Variants in MTHFD1L observed in about 807,000 individuals in gnomAD.
MTHFD1L encodes methylenetetrahydrofolate dehydrogenase (NADP+ dependent) 1 like.
A neutral mutation model predicts 119.5 loss-of-function variants in MTHFD1L; 81 were observed. The observed-to-expected ratio is 0.68, with a 90% confidence interval of 0.57 to 0.82. The LOEUF (loss-of-function observed/expected upper bound fraction) is 0.82. Among genes scored for constraint, MTHFD1L ranks in the 40% least tolerant of loss-of-function variants. The pLI is 0.00. For synonymous variants in MTHFD1L, 430 were observed against 475.2 expected, an observed-to-expected ratio of 0.90 and a Z score of 1.24; for missense variants, 1,125 against 1,253.4, an observed-to-expected ratio of 0.90 and a Z score of 1.55.
intron 26 of MTHFD1L, among the ~76,000 whole-genome samples, chr6:151,045,735 C>T (rs1284836377): frequency 1.3e-5 from 2 of 152,184 alleles, no homozygotes; most frequent in Non-Finnish European, 2.9e-5. Context: ...CAGGGTTCTT[C>T]CCTATCTCTA....
At chr6:150,985,232 T>G (rs1778109052) in intron 20 of MTHFD1L, 1 of 152,196 alleles carries the variant, frequency 6.6e-6, no homozygotes, top group Non-Finnish European at 1.5e-5. Flanking sequence ...TTTCCATCTT[T>G]TTTCTTTTGG....
At chr6:151,080,571 A>G (rs988991850) in intron 26 of MTHFD1L, among the ~76,000 whole-genome samples, 5 of 152,260 alleles carry the variant, frequency 3.3e-5, no homozygotes, top group Admixed American at 6.5e-5. Flanking sequence ...TGAAGGTGCT[A>G]AAGCAGGAGG....
intron 9 of MTHFD1L, 90 bp downstream of exon 9, chr6:150,918,758 T>A: frequency 1.9e-6 from 2 of 1,053,632 alleles, no homozygotes; most frequent in Non-Finnish European, 2.9e-6. Flanking sequence ...GTTTACCAGG[T>A]ACAGTGTTAA....
intron 10 of MTHFD1L, among the ~76,000 whole-genome samples, chr6:150,924,178 A>G (rs175853): frequency 0.74 from 112,219 of 152,080 alleles, 42,032 homozygotes; most frequent in African/African-American, 0.87. Flanking sequence ...AAATCGGATG[A>G]TGTCTCTGTG....
At chr6:151,029,720 C>T in intron 24 of MTHFD1L, among the ~76,000 whole-genome samples, 1 of 152,138 alleles carries the variant, frequency 6.6e-6, no homozygotes, top group East Asian at 1.9e-4. Context: ...CACTTGAACC[C>T]AGGAGGCAGA....
At chr6:150,928,858 G>A (rs775239495) in intron 11 of MTHFD1L, among the ~76,000 whole-genome samples, 2 of 152,046 alleles carry the variant, frequency 1.3e-5, no homozygotes, top group African/African-American at 4.8e-5. Flanking sequence ...TAGCTTTTTT[G>A]TAAGAGGGAC....
At chr6:150,940,200 A>T (rs1792856281) in intron 13 of MTHFD1L, among the ~76,000 whole-genome samples, 1 of 152,140 alleles carries the variant, frequency 6.6e-6, no homozygotes, top group Non-Finnish European at 1.5e-5. Flanking sequence ...CATTGAGCAG[A>T]GTGCCCAGCA....
intron 16 of MTHFD1L, among the ~76,000 whole-genome samples, chr6:150,954,425 C>T (rs142788468): frequency 1.3e-5 from 2 of 152,236 alleles, no homozygotes; most frequent in African/African-American, 2.4e-5. Flanking sequence ...CAGTGGCTCA[C>T]GCCAGTTATC....
Position 151,037,014 on chromosome 6 carries a change from C to G in MTHFD1L, c.2744C>G (p.Ser915Cys). 1 of 1,612,034 alleles carries G rather than the reference C, an allele frequency of 6.2e-7. No individual in the cohort carries two copies. Among genetic ancestry groups the G allele is most frequent in the Non-Finnish European group, 8.5e-7 (1 of 1,179,864 alleles). The part of the protein sequence containing the change: ...ICMAKTHLSL[S>C]HQPDKKGVPR... ...ATGGCAAAGACCCACCTTTCTCTAT[C>G]TCACCAACCTGACAAAAAAGGTGTG... is the stretch of plus-strand genomic sequence containing the variant. Residue 915 changes from serine (S) to cysteine (C), a missense_variant, in exon 26 of 28, where the codon TCT (serine) becomes TGT (cysteine). By Grantham distance (112) the Ser-to-Cys change is moderately radical. Transcript: ENST00000367321.
intron 20 of MTHFD1L, among the ~76,000 whole-genome samples, chr6:151,005,384 A>G (rs1781242868): frequency 6.6e-6 from 1 of 152,154 alleles, no homozygotes; most frequent in Non-Finnish European, 1.5e-5. Flanking sequence ...TACAAACGAC[A>G]TAAAAGTGAT....
Position 150,944,469 on chromosome 6 carries a change from A to C in MTHFD1L, c.1441-17A>C, listed in dbSNP as rs991191791. 1 of 1,572,680 alleles carries C rather than the reference A, an allele frequency of 6.4e-7. No homozygotes were observed. The highest frequency in any genetic ancestry group is 2.2e-5 in the East Asian group (1 of 44,446). Reference sequence around the variant, plus strand: ...TTTCTGAAAATAAATAAATAGAAAGATATCTTATTTCTCTAGTTCAACCTT... The same window carrying C: ...TTTCTGAAAATAAATAAATAGAAAGCTATCTTATTTCTCTAGTTCAACCTT... On this transcript the variant is annotated splice_polypyrimidine_tract_variant and intron_variant, in intron 13 of 27. Transcript: ENST00000367321.
At chr6:150,924,940 G>C (rs762790249) in intron 10 of MTHFD1L, among the ~76,000 whole-genome samples, 4 of 151,968 alleles carry the variant, frequency 2.6e-5, no homozygotes, top group African/African-American at 7.3e-5. Flanking sequence ...CGGTACTTGA[G>C]GGGGGTAACC....
chr6:150,869,516 T>G (rs1177188503), intron 1 of MTHFD1L, among the ~76,000 whole-genome samples: 1 of 152,194 alleles, frequency 6.6e-6, no homozygotes, highest in Non-Finnish European at 1.5e-5. Context: ...TCATGCTTTC[T>G]TATGGCTGCA....
intron 26 of MTHFD1L, among the ~76,000 whole-genome samples, chr6:151,037,466 A>T (rs1786353426): frequency 6.6e-6 from 1 of 152,108 alleles, no homozygotes; most frequent in African/African-American, 2.4e-5. Flanking sequence ...ACCCAAAATG[A>T]TGTCATCACG....
chr6:151,075,250 T>C (rs988978032), intron 26 of MTHFD1L, among the ~76,000 whole-genome samples: 2 of 152,076 alleles, frequency 1.3e-5, no homozygotes, highest in Non-Finnish European at 2.9e-5. Flanking sequence ...ACTATTACTG[T>C]CAACAAGAAA....
At chr6:151,087,654 C>A (rs1793947934) in intron 26 of MTHFD1L, among the ~76,000 whole-genome samples, 1 of 152,172 alleles carries the variant, frequency 6.6e-6, no homozygotes, top group Non-Finnish European at 1.5e-5. Flanking sequence ...GAAACAGAAT[C>A]TTTAATAATT....
chr6:150,991,195 A>G (rs1779013756), intron 20 of MTHFD1L, among the ~76,000 whole-genome samples: 1 of 152,196 alleles, frequency 6.6e-6, no homozygotes, highest in Non-Finnish European at 1.5e-5. Flanking sequence ...CAATATATTC[A>G]AAATAAAGAT....
intron 26 of MTHFD1L, among the ~76,000 whole-genome samples, chr6:151,054,503 ACT>A (rs1401255180): frequency 1.3e-5 from 2 of 152,048 alleles, no homozygotes; most frequent in Non-Finnish European, 2.9e-5. Flanking sequence ...TTTGCAGCAG[ACT>A]CTGACATTCC....
intron 20 of MTHFD1L, among the ~76,000 whole-genome samples, chr6:150,977,504 G>GT (rs1251608333): frequency 6.6e-6 from 1 of 152,268 alleles, no homozygotes; most frequent in East Asian, 1.9e-4. Context: ...TTTACATGCT[G>GT]TAAAGGCAAA....
Sources: allele counts gnomAD v4.1 joint callset (sites outside exome capture counted in the v4.1 genomes callset), GRCh38; gene constraint gnomAD v4.1.1; transcripts MANE v1.5; gene names NCBI Gene and HGNC (gene_info 2026-07-23, HGNC 2026-07-21).